Variants in PALD1 observed in about 807,000 individuals in gnomAD.
PALD1 encodes paladin.
A neutral mutation model predicts 96.0 loss-of-function variants in PALD1; 57 were observed. That is an observed-to-expected ratio of 0.59 (90% confidence interval 0.48 to 0.74). PALD1 has a LOEUF of 0.74. PALD1 is among the 30% of genes least tolerant of loss of function. The pLI is 0.00. For missense variants in PALD1, 1,063 were observed against 1,143.7 expected (o/e 0.93, Z 1.02); for synonymous variants, 464 against 473.6 (o/e 0.98, Z 0.26).
At chr10:70,562,098 T>G (rs1057246598) in intron 18 of PALD1, among the ~76,000 whole-genome samples, 3 of 152,312 alleles carry the variant, frequency 2.0e-5, no homozygotes, top group African/African-American at 7.2e-5. Flanking sequence ...CATCCCTCAC[T>G]TTGCTGAGAA....
intron 18 of PALD1, among the ~76,000 whole-genome samples, chr10:70,553,748 C>T (rs1847530149): frequency 6.6e-6 from 1 of 152,196 alleles, no homozygotes; most frequent in Admixed American, 6.5e-5. Context: ...GCCACATGGC[C>T]TCTCAAGCGG....
At chr10:70,497,421 C>T (rs1004919810) in intron 1 of PALD1, among the ~76,000 whole-genome samples, 1 of 152,210 alleles carries the variant, frequency 6.6e-6, no homozygotes, top group African/African-American at 2.4e-5. Context: ...GCGTTTGGGT[C>T]ATTCCTCAGC....
upstream of PALD1, among the ~76,000 whole-genome samples, chr10:70,474,714 T>C (rs1845801811): frequency 6.6e-6 from 1 of 152,180 alleles, no homozygotes; most frequent in Admixed American, 6.5e-5. Flanking sequence ...GTGTATGAAT[T>C]TGGGAGTCGG....
In PALD1 at chr10:70,568,199, A is replaced by G. The variant is rs1376433080; in HGVS notation, c.*1466A>G. ...TTAAGACGTTTTAATTTCTTTGCAGACAAGGTCTAGATGCGGAGTCAGAGA... is the reference window on the plus strand; with the variant it reads ...TTAAGACGTTTTAATTTCTTTGCAGGCAAGGTCTAGATGCGGAGTCAGAGA... On this transcript the variant is annotated 3_prime_UTR_variant, in exon 20 of 20. Coordinates refer to ENST00000263563, the MANE Select transcript of PALD1 (RefSeq NM_014431.3). 1 of 152,698 alleles carries G rather than the reference A, an allele frequency of 6.5e-6. No homozygotes were observed. The highest frequency in any genetic ancestry group is 1.5e-5 in the Non-Finnish European group (1 of 68,046). 9.5% of individuals were successfully genotyped at this position (152,698 alleles called of 1,614,324 possible).
At chr10:70,464,960 T>C in the PALD1 span, among the ~76,000 whole-genome samples, 10 of 144,704 alleles carry the variant, frequency 6.9e-5, no homozygotes, top group Non-Finnish European at 1.3e-4. Flanking sequence ...TATGTATGTA[T>C]GTATGTATGT....
intron 19 of PALD1, 93 bp from the exon 20 acceptor site, chr10:70,566,488 T>G: frequency 1.1e-6 from 1 of 949,196 alleles, no homozygotes; most frequent in Non-Finnish European, 1.6e-6. Flanking sequence ...GGTCACCAAG[T>G]TCACAGGCCA....
intron 18 of PALD1, among the ~76,000 whole-genome samples, chr10:70,564,047 C>CGA (rs1402181458): frequency 6.6e-6 from 1 of 152,156 alleles, no homozygotes; most frequent in African/African-American, 2.4e-5. Flanking sequence ...CCTCAGGCGC[C>CGA]ATGCAGGGTA....
intron 1 of PALD1, among the ~76,000 whole-genome samples, chr10:70,483,507 G>C (rs921804581): frequency 6.6e-6 from 1 of 152,126 alleles, no homozygotes; most frequent in Non-Finnish European, 1.5e-5. Flanking sequence ...AGAGGATGTG[G>C]TGCTGTGAGG....
intron 19 of PALD1, among the ~76,000 whole-genome samples, chr10:70,565,087 T>C (rs1013160053): frequency 1.3e-5 from 2 of 152,206 alleles, no homozygotes; most frequent in Non-Finnish European, 2.9e-5. Context: ...TGGGGAGACA[T>C]ACAGTGCCAT....
intron 17 of PALD1, among the ~76,000 whole-genome samples, chr10:70,542,131 C>T (rs926732184): frequency 1.3e-5 from 2 of 152,160 alleles, no homozygotes; most frequent in African/African-American, 2.4e-5. Context: ...ACTTGCCCCT[C>T]CCCTGCCCTC....
At chr10:70,487,883 A>T (rs1377180690) in intron 1 of PALD1, among the ~76,000 whole-genome samples, 1 of 151,864 alleles carries the variant, frequency 6.6e-6, no homozygotes, top group Non-Finnish European at 1.5e-5. Context: ...GCCGGTCACC[A>T]CTCCCACCTT....
At chr10:70,499,142 A>G (rs1262949205) in intron 1 of PALD1, among the ~76,000 whole-genome samples, 1 of 152,200 alleles carries the variant, frequency 6.6e-6, no homozygotes, top group Non-Finnish European at 1.5e-5. Context: ...AAGTTCGGTA[A>G]CTTAGCCAAG....
intron 19 of PALD1, among the ~76,000 whole-genome samples, chr10:70,565,572 T>C (rs1424782946): frequency 6.6e-6 from 1 of 151,934 alleles, no homozygotes. Flanking sequence ...CTGAGGCAGG[T>C]GTGAAGTGGA....
intron 18 of PALD1, among the ~76,000 whole-genome samples, chr10:70,548,198 G>A (rs1004115046): frequency 5.9e-5 from 9 of 152,018 alleles, no homozygotes; most frequent in African/African-American, 2.2e-4. Flanking sequence ...CCAGCTACTC[G>A]GGAGGCTGAG....
chr10:70,518,378 A>G lies in PALD1; in HGVS notation c.-29-7545A>G, dbSNP rs75633476. Among the ~76,000 whole-genome samples, 513 of 152,316 alleles carry G rather than the reference A, an allele frequency of 3.4e-3. 6 individuals carry two copies. The highest frequency in any genetic ancestry group is 0.012 in the African/African-American group (498 of 41,560). On this transcript the variant is annotated intron_variant, in intron 1 of 19. Coordinates refer to ENST00000263563, the MANE Select transcript of PALD1 (RefSeq NM_014431.3). ...TACCTAAGAGTGGAATTGCCGGGTC[A>G]TATGAGAAGGGTATGTCTCCATTAG...
At chr10:70,476,201 G>T (rs541805387), upstream of PALD1, among the ~76,000 whole-genome samples, 2 of 152,282 alleles carry the variant, frequency 1.3e-5, no homozygotes, top group East Asian at 3.9e-4. Context: ...TGAGCTTCCA[G>T]ATTTCTCAGG....
intron 10 of PALD1, among the ~76,000 whole-genome samples, chr10:70,535,869 T>G (rs1847105643): frequency 6.6e-6 from 1 of 151,986 alleles, no homozygotes; most frequent in Non-Finnish European, 1.5e-5. Flanking sequence ...CCTTACTTTT[T>G]TAGAGATGGG....
intron 1 of PALD1, among the ~76,000 whole-genome samples, chr10:70,481,037 C>T (rs1453742319): frequency 2.0e-5 from 3 of 152,206 alleles, no homozygotes; most frequent in Non-Finnish European, 2.9e-5. Flanking sequence ...TACACCATTG[C>T]TGGGATCTGA....
intron 1 of PALD1, among the ~76,000 whole-genome samples, chr10:70,493,362 G>A (rs1279149722): frequency 6.6e-6 from 1 of 152,266 alleles, no homozygotes; most frequent in African/African-American, 2.4e-5. Context: ...AGGTCTGTGA[G>A]CAGCCCAGCC....
Sources: gnomAD v4.1 joint callset for allele counts (sites outside exome capture counted in the v4.1 genomes callset) on GRCh38, gnomAD v4.1.1 for gene constraint, MANE v1.5 for transcripts, NCBI Gene and HGNC (gene_info 2026-07-23, HGNC 2026-07-21) for gene names.